The following GSN variants were observed in gnomAD, a reference collection of about 807,000 sequenced individuals.
The protein encoded by GSN is gelsolin, also known as actin-depolymerizing factor.
Under a neutral mutation model 85.7 loss-of-function variants are expected in GSN, and 56 were observed. That is an observed-to-expected ratio of 0.65 (90% CI 0.53 to 0.82). The LOEUF (loss-of-function observed/expected upper bound fraction) is 0.82, where lower values mean the gene tolerates loss of function less well. GSN is among the 40% of genes least tolerant of loss of function. The probability of loss-of-function intolerance (pLI) is 0.00; values close to 1 mark genes in which losing one functional copy is unlikely to be tolerated. For missense variants in GSN, 857 were observed against 979.8 expected (o/e 0.87, Z 1.67); for synonymous variants, 373 against 399.1 (o/e 0.93, Z 0.78).
chr9:121,288,944 T>A (rs914549359), intron 2 of GSN, among the ~76,000 whole-genome samples: 3 of 152,164 alleles, frequency 2.0e-5, no homozygotes, highest in African/African-American at 7.2e-5. Flanking sequence ...CAGGGCCTGC[T>A]ACGTGGCACA....
At chr9:121,204,948 A>G (rs1292668691), upstream of GSN, among the ~76,000 whole-genome samples, 1 of 152,218 alleles carries the variant, frequency 6.6e-6, no homozygotes. Context: ...ATGTAACTAG[A>G]CATTGAGAGG....
chr9:121,322,259 C>T (rs2062572257), intron 11 of GSN, among the ~76,000 whole-genome samples: 1 of 152,060 alleles, frequency 6.6e-6, no homozygotes, highest in African/African-American at 2.4e-5. Context: ...ATAGCCTGGT[C>T]CCTCCCTTCC....
chr9:121,209,992 G>A (rs911260794), intron 2 of GSN, among the ~76,000 whole-genome samples: 26 of 152,150 alleles, frequency 1.7e-4, no homozygotes, highest in African/African-American at 2.4e-4. Flanking sequence ...ACACATACAC[G>A]CACGCATACA....
chr9:121,299,941 C>A lies in GSN; in HGVS notation c.-9-2022C>A, dbSNP rs2059628666. ...TGCGCGCTGTCGCTGCCCGTCCGCG[C>A]GGCCACTGCGTCGCGGGGGGCGTCC... On this transcript the variant is annotated intron_variant, in intron 2 of 17. Transcript: ENST00000432226. This position sits in a 1 kb window ranked among gnomAD's most constrained non-coding sequence, Gnocchi z 4.2. 1 of 1,262,036 alleles carries A rather than the reference C, an allele frequency of 7.9e-7. No homozygotes were observed. The highest frequency in any genetic ancestry group is 3.7e-5 in the South Asian group (1 of 27,360). The allele number at this position is 1,262,036 out of a possible 1,614,324, so 78.2% of individuals were successfully genotyped here.
At chr9:121,204,131 C>G (rs1237590198), upstream of GSN, among the ~76,000 whole-genome samples, 1 of 152,230 alleles carries the variant, frequency 6.6e-6, no homozygotes, top group Non-Finnish European at 1.5e-5. Context: ...TCAACACTTA[C>G]TATGTACCAG....
intron 2 of GSN, among the ~76,000 whole-genome samples, chr9:121,295,522 TC>T (rs67544883): frequency 3.7e-4 from 57 of 152,232 alleles, no homozygotes; most frequent in Non-Finnish European, 6.0e-4. Flanking sequence ...GGTGGTGTCT[TC>T]CAGGCCCAGC....
intron 4 of GSN, among the ~76,000 whole-genome samples, chr9:121,216,417 C>T (rs1214461115): frequency 6.6e-6 from 1 of 152,246 alleles, no homozygotes; most frequent in African/African-American, 2.4e-5. Flanking sequence ...TCCACCACTT[C>T]CTGAAGCCTG....
At chr9:121,287,263 G>A (rs945923347) in intron 2 of GSN, among the ~76,000 whole-genome samples, 3 of 152,122 alleles carry the variant, frequency 2.0e-5, no homozygotes, top group Non-Finnish European at 2.9e-5. Flanking sequence ...GGAGGGAGGC[G>A]GAGGGAATGG....
At chr9:121,287,845 GATTTTCATC>G (rs1372309573) in intron 2 of GSN, among the ~76,000 whole-genome samples, 2 of 152,116 alleles carry the variant, frequency 1.3e-5, no homozygotes, top group Admixed American at 1.3e-4. Context: ...CAGTTGAGAA[GATTTTCATC>G]ATCCCCAAAA....
In GSN at chr9:121,318,590, G is replaced by A; in HGVS notation, c.976-75G>A. ...GGGTGTCCCACCCTCAGTGTGGATGGGGTATCTGAGGCTCCCCTGGGGACC... is the reference window on the plus strand; with the variant it reads ...GGGTGTCCCACCCTCAGTGTGGATGAGGTATCTGAGGCTCCCCTGGGGACC... On this transcript the variant is annotated intron_variant, in intron 9 of 17. Coordinates refer to ENST00000432226, the MANE Select transcript of GSN (RefSeq NM_198252.3). The surrounding 1 kb of genome is among the most constrained non-coding windows in gnomAD (Gnocchi z 4.3). 12 of 1,449,036 alleles carry A rather than the reference G, an allele frequency of 8.3e-6. No individual in the cohort carries two copies. Among genetic ancestry groups the A allele is most frequent in the South Asian group, 1.1e-5 (1 of 87,550 alleles). The allele number at this position is 1,449,036 out of a possible 1,614,324, so 89.8% of individuals were successfully genotyped here.
At chr9:121,288,750 C>T (rs760361333) in intron 2 of GSN, among the ~76,000 whole-genome samples, 1 of 152,112 alleles carries the variant, frequency 6.6e-6, no homozygotes, top group African/African-American at 2.4e-5. Flanking sequence ...AGATCCAGGA[C>T]AAGGTTTATG....
chr9:121,230,039 TA>T (rs1210914796), intron 4 of GSN, among the ~76,000 whole-genome samples: 1 of 152,188 alleles, frequency 6.6e-6, no homozygotes, highest in African/African-American at 2.4e-5. Flanking sequence ...AGTAGAGGGA[TA>T]TTTTTTAATT....
intron 17 of GSN, 188 bp downstream of exon 17, chr9:121,331,636 T>C: frequency 1.7e-6 from 1 of 574,808 alleles, no homozygotes; most frequent in Non-Finnish European, 3.1e-6. Flanking sequence ...AACACATCAG[T>C]TCCTTCAGAA....
Position 121,310,697 on chromosome 9 carries a change from C to A in GSN, c.365C>A (p.Ala122Glu). The A allele has an allele frequency of 6.2e-7, 1 of 1,614,156 alleles. No individual in the cohort carries two copies. Among genetic ancestry groups the A allele is most frequent in the Admixed American group, 1.7e-5 (1 of 60,008 alleles). Residue 122 changes from alanine to glutamate, a missense_variant, in exon 5 of 18, where the codon GCA (alanine) becomes GAA (glutamate). Coordinates refer to ENST00000432226, the MANE Select transcript of GSN (RefSeq NM_198252.3). The part of the protein sequence containing the change: ...SGLKYKKGGV[A>E]SGFKHVVPNE... The stretch of plus-strand genomic sequence containing the variant: ...TTGGCCCCACAGAAAGGAGGTGTGG[C>A]ATCAGGATTCAAGCACGTGGTACCC...
At position 121,251,486 on chromosome 9, in the gene GSN, C is replaced by T. The variant is rs1356463732; in HGVS notation, c.-341+3163C>T. ...TGCTAGGATTATAGGCGTGAGCTAC[C>T]GTGCCCAGCCTGATGTTCATTTTTA... On this transcript the variant is annotated intron_variant, in intron 6 of 24. Transcript: ENST00000373823. Among the ~76,000 whole-genome samples the T allele has an allele frequency of 3.3e-5, 5 of 151,818 alleles. No homozygotes were observed. In the East Asian group the frequency reaches 5.8e-4, roughly 18 times the overall value.
At chr9:121,205,497 G>A (rs2053867807), upstream of GSN, among the ~76,000 whole-genome samples, 3 of 152,202 alleles carry the variant, frequency 2.0e-5, no homozygotes, top group Admixed American at 2.0e-4. Flanking sequence ...GAGAGAGACA[G>A]CACTGGAGGG....
chr9:121,266,422 C>T (rs915018174), upstream of GSN, among the ~76,000 whole-genome samples: 3 of 152,242 alleles, frequency 2.0e-5, no homozygotes, highest in Non-Finnish European at 2.9e-5. Context: ...TGTGTTTTTG[C>T]TTTTCTCCCC....
At chr9:121,226,055 C>G (rs553563988) in intron 4 of GSN, among the ~76,000 whole-genome samples, 3 of 152,218 alleles carry the variant, frequency 2.0e-5, no homozygotes, top group Non-Finnish European at 4.4e-5. Flanking sequence ...CCCCCCACCT[C>G]GGTCTCCCAA....
chr9:121,263,085 G>C (rs1197662321), upstream of GSN, among the ~76,000 whole-genome samples: 1 of 152,208 alleles, frequency 6.6e-6, no homozygotes, highest in Non-Finnish European at 1.5e-5. Flanking sequence ...TGAGTCGAAT[G>C]GGGGAAGCCC....
Sources: gnomAD v4.1 joint callset for allele counts (sites outside exome capture counted in the v4.1 genomes callset) on GRCh38, gnomAD v4.1.1 for gene constraint, Gnocchi (gnomAD v3.1) non-coding constraint, MANE v1.5 for transcripts, NCBI Gene and HGNC (gene_info 2026-07-23, HGNC 2026-07-21) for gene names.